Variants in MGAT4C observed in about 807,000 individuals in gnomAD.
The protein encoded by MGAT4C is MGAT4 family member C.
In MGAT4C, 19 loss-of-function variants were observed where a neutral mutation model predicts 40.1. The ratio of observed to expected loss-of-function variants is 0.47; its 90% CI spans 0.33 to 0.70. The LOEUF (loss-of-function observed/expected upper bound fraction) is 0.70. Among genes scored for constraint, MGAT4C ranks in the 30% least tolerant of loss-of-function variants. The pLI is 0.02. For synonymous variants in MGAT4C, 181 were observed against 187.1 expected (o/e 0.97, Z 0.27); for missense variants, 491 against 563.2 (o/e 0.87, Z 1.30).
chr12:86,113,751 T>C (rs1201186169), intron 1 of MGAT4C, among the ~76,000 whole-genome samples: 1 of 151,932 alleles, frequency 6.6e-6, no homozygotes, highest in Non-Finnish European at 1.5e-5. Flanking sequence ...CCTGCACTAG[T>C]TGATTTCTAA....
chr12:86,237,943 C>G (rs1951623902), intron 1 of MGAT4C, among the ~76,000 whole-genome samples: 1 of 151,890 alleles, frequency 6.6e-6, no homozygotes, highest in Non-Finnish European at 1.5e-5. Context: ...AATATCCACA[C>G]TGGGGTTGTA....
intron 4 of MGAT4C, among the ~76,000 whole-genome samples, chr12:86,262,396 T>A (rs1216710734): frequency 6.6e-6 from 1 of 152,160 alleles, no homozygotes. Context: ...ATGCATGCCA[T>A]CTTTCTTTTT....
intron 4 of MGAT4C, among the ~76,000 whole-genome samples, chr12:86,298,385 G>A (rs532788125): frequency 6.6e-6 from 1 of 152,084 alleles, no homozygotes; most frequent in East Asian, 1.9e-4. Context: ...CTTGTATATA[G>A]CATTGGAAGT....
intron 2 of MGAT4C, among the ~76,000 whole-genome samples, chr12:86,502,770 T>TTCTGCTCATATATAA (rs1958376969): frequency 3.3e-5 from 1 of 30,066 alleles, no homozygotes; most frequent in Non-Finnish European, 7.6e-5. Flanking sequence ...CATATATATG[T>TTCTGCTCATATATAA]ATACACGAGT....
chr12:86,150,960 G>A (rs1884192082), intron 1 of MGAT4C, among the ~76,000 whole-genome samples: 1 of 152,092 alleles, frequency 6.6e-6, no homozygotes, highest in South Asian at 2.1e-4. Flanking sequence ...TTTTTATTGG[G>A]GGTCAGTAAT....
At chr12:86,653,795 A>G (rs1309980959) in intron 2 of MGAT4C, among the ~76,000 whole-genome samples, 1 of 151,958 alleles carries the variant, frequency 6.6e-6, no homozygotes, top group African/African-American at 2.4e-5. Context: ...ACTTATTTGG[A>G]AGAAGAAATA....
In MGAT4C at chr12:86,689,605, C is replaced by G. The variant is rs150215520; in HGVS notation, c.-229+37604G>C. Among the ~76,000 whole-genome samples the G allele has an allele frequency of 8.7e-3, 1,321 of 152,318 alleles. 7 individuals are homozygous for G. Among genetic ancestry groups the G allele is most frequent in the Middle Eastern group, 0.017 (5 of 294 alleles). ...GGTCTGTTGGAGTTTGCTGGACATC[C>G]ATTGCAGACCCTTTTTGCCTGGGTA... On this transcript the variant is annotated intron_variant, in intron 2 of 7. Coordinates refer to the MGAT4C transcript ENST00000548651.
chr12:86,771,743 T>C (rs1951643286), intron 1 of MGAT4C, among the ~76,000 whole-genome samples: 1 of 150,968 alleles, frequency 6.6e-6, no homozygotes, highest in Non-Finnish European at 1.5e-5. Context: ...TGTATGAATA[T>C]TGGTAGAATG....
At chr12:86,223,316 C>T (rs915311544) in intron 1 of MGAT4C, among the ~76,000 whole-genome samples, 3 of 152,216 alleles carry the variant, frequency 2.0e-5, no homozygotes, top group Non-Finnish European at 2.9e-5. Flanking sequence ...CAGGCAGCTC[C>T]ATTCTGAGCC....
intron 3 of MGAT4C, among the ~76,000 whole-genome samples, chr12:86,358,714 C>A (rs532693980): frequency 6.6e-6 from 1 of 151,970 alleles, no homozygotes; most frequent in Non-Finnish European, 1.5e-5. Context: ...CCAACAAAGA[C>A]CAAAAGAGAC....
intron 2 of MGAT4C, among the ~76,000 whole-genome samples, chr12:86,456,698 A>T (rs1592869739): frequency 6.6e-6 from 1 of 152,130 alleles, no homozygotes; most frequent in Non-Finnish European, 1.5e-5. Context: ...TTTAGCAAAG[A>T]AAGCCTGAAA....
chr12:86,313,026 C>G (rs1366442986), intron 4 of MGAT4C, among the ~76,000 whole-genome samples: 1 of 152,044 alleles, frequency 6.6e-6, no homozygotes, highest in Non-Finnish European at 1.5e-5. Context: ...AAATGGAGCT[C>G]TATATTAGCC....
chr12:85,975,790 A>C lies in MGAT4C; in HGVS notation c.*3499T>G, dbSNP rs1883935111. On this transcript the variant is annotated 3_prime_UTR_variant, in exon 5 of 5. Coordinates refer to ENST00000611864, the MANE Select transcript of MGAT4C (RefSeq NM_001351288.2). The stretch of plus-strand genomic sequence containing the variant: ...GTACAAAACGGTAAATCATTTTATC[A>C]GTAGATCCCATAATAAATATTATAA... 1 of 151,024 alleles carries C rather than the reference A, an allele frequency of 6.6e-6. No individual in the cohort carries two copies. Among genetic ancestry groups the C allele is most frequent in the African/African-American group, 2.4e-5 (1 of 41,348 alleles). The allele number at this position is 151,024 out of a possible 1,614,324, so 9.4% of individuals were successfully genotyped here.
intron 2 of MGAT4C, among the ~76,000 whole-genome samples, chr12:86,494,148 G>A (rs1024084965): frequency 1.3e-5 from 2 of 151,776 alleles, no homozygotes; most frequent in African/African-American, 2.4e-5. Flanking sequence ...CCTTTTCTGA[G>A]TATAGTTTTA....
chr12:86,609,732 ATT>A (rs11361953), intron 2 of MGAT4C, among the ~76,000 whole-genome samples: 1 of 148,090 alleles, frequency 6.8e-6, no homozygotes, highest in African/African-American at 2.5e-5. Flanking sequence ...AAAAAGTAAG[ATT>A]TTTTTTTTTG....
intron 2 of MGAT4C, among the ~76,000 whole-genome samples, chr12:86,489,336 C>A (rs113430332): frequency 1.3e-5 from 2 of 152,164 alleles, no homozygotes; most frequent in Admixed American, 1.3e-4. Flanking sequence ...ACATTCATCA[C>A]CTTTCAGTTC....
At chr12:86,000,355 G>T (rs1392679588) in intron 2 of MGAT4C, among the ~76,000 whole-genome samples, 2 of 151,882 alleles carry the variant, frequency 1.3e-5, no homozygotes, top group Non-Finnish European at 2.9e-5. Flanking sequence ...CAAGAAAAAA[G>T]ACATTATTAA....
intron 2 of MGAT4C, among the ~76,000 whole-genome samples, chr12:86,462,090 G>C (rs1592875930): frequency 6.6e-6 from 1 of 152,160 alleles, no homozygotes; most frequent in Non-Finnish European, 1.5e-5. Context: ...GAAAAGCTCA[G>C]CTTAAACTAA....
rs144071880 is a variant in MGAT4C at position 86,798,013 on chromosome 12, A to T, written c.-262+40653T>A. Among the ~76,000 whole-genome samples, 23 of 152,046 alleles carry T rather than the reference A, an allele frequency of 1.5e-4. No individual in the cohort carries two copies. The East Asian group carries it at 3.5e-3, about 23-fold the overall frequency. ...ATATCTTAACTGTGTACACCTACTT[A>T]CATATCTTACCTATAACTATCCATA... is the stretch of plus-strand genomic sequence containing the variant. On this transcript the variant is annotated intron_variant, in intron 1 of 7. Coordinates refer to the MGAT4C transcript ENST00000548651.
Sources: allele counts gnomAD v4.1 joint callset (sites outside exome capture counted in the v4.1 genomes callset), GRCh38; gene constraint gnomAD v4.1.1; transcripts MANE v1.5; gene names NCBI Gene and HGNC (gene_info 2026-07-23, HGNC 2026-07-21).